Variants in SPMIP2 observed in about 807,000 individuals in gnomAD.
SPMIP2 encodes the protein sperm microtubule inner protein 2.
At chr4:158,999,523 C>T in the SPMIP2 span, among the ~76,000 whole-genome samples, 1 of 152,118 alleles carries the variant, frequency 6.6e-6, no homozygotes, top group Non-Finnish European at 1.5e-5. Context: ...AACATGTAAA[C>T]CTGCTATCTG....
the SPMIP2 span, among the ~76,000 whole-genome samples, chr4:158,947,511 G>A: frequency 6.6e-5 from 10 of 152,152 alleles, no homozygotes; most frequent in Non-Finnish European, 7.3e-5. Flanking sequence ...GCTTTATATT[G>A]CAATTTGTTT....
chr4:159,007,907 A>G, the SPMIP2 span: 1 of 447,352 alleles, frequency 2.2e-6, no homozygotes. Flanking sequence ...GTAATTACAT[A>G]ATAACAATGT....
the SPMIP2 span, among the ~76,000 whole-genome samples, chr4:158,986,384 ATAC>A: frequency 6.6e-6 from 1 of 152,206 alleles, no homozygotes; most frequent in Non-Finnish European, 1.5e-5. Flanking sequence ...ACTTCAAACT[ATAC>A]TACAAGGCTA....
the SPMIP2 span, among the ~76,000 whole-genome samples, chr4:158,950,559 T>TG: frequency 6.6e-6 from 1 of 152,124 alleles, no homozygotes; most frequent in African/African-American, 2.4e-5. Flanking sequence ...TGCACAATTT[T>TG]GGGGGGAAGA....
chr4:158,962,268 C>G, the SPMIP2 span, among the ~76,000 whole-genome samples: 2 of 152,170 alleles, frequency 1.3e-5, no homozygotes, highest in Non-Finnish European at 2.9e-5. Context: ...CTAGTCCTGA[C>G]ACATTTAGGA....
the SPMIP2 span, among the ~76,000 whole-genome samples, chr4:159,080,586 G>A: frequency 2.6e-5 from 4 of 152,114 alleles, no homozygotes; most frequent in South Asian, 2.1e-4. Flanking sequence ...TTAAAGCAGC[G>A]ATTCCCCATT....
chr4:158,996,753 T>A, the SPMIP2 span, among the ~76,000 whole-genome samples: 2 of 152,198 alleles, frequency 1.3e-5, no homozygotes, highest in Non-Finnish European at 2.9e-5. Flanking sequence ...CATAGGCAGA[T>A]ACAATGATGT....
At chr4:159,065,778 G>C in the SPMIP2 span, among the ~76,000 whole-genome samples, 1 of 152,162 alleles carries the variant, frequency 6.6e-6, no homozygotes, top group Non-Finnish European at 1.5e-5. Flanking sequence ...TCTGGAGAGT[G>C]GGTAACAATC....
the SPMIP2 span, among the ~76,000 whole-genome samples, chr4:158,965,193 C>A: frequency 3.9e-5 from 6 of 152,020 alleles, no homozygotes; most frequent in South Asian, 1.2e-3. Context: ...CTCCCAGTAT[C>A]CTTCCAAGGA....
the SPMIP2 span, among the ~76,000 whole-genome samples, chr4:158,993,669 G>A: frequency 2.0e-5 from 3 of 151,688 alleles, no homozygotes; most frequent in East Asian, 5.8e-4. Context: ...AAAGGCCGCT[G>A]CCTTTATGAA....
At chr4:158,973,527 AACCAAATGAG>A in the SPMIP2 span, among the ~76,000 whole-genome samples, 6 of 152,194 alleles carry the variant, frequency 3.9e-5, no homozygotes, top group Admixed American at 1.3e-4. Context: ...GTTTATTAAT[AACCAAATGAG>A]ACGGGTAGAA....
At chr4:159,078,724 C>G in the SPMIP2 span, among the ~76,000 whole-genome samples, 1 of 152,312 alleles carries the variant, frequency 6.6e-6, no homozygotes, top group South Asian at 2.1e-4. Context: ...AGACAAATTT[C>G]TCACTTGACA....
the SPMIP2 span, among the ~76,000 whole-genome samples, chr4:159,061,653 CA>C: frequency 6.6e-6 from 1 of 151,488 alleles, no homozygotes; most frequent in East Asian, 1.9e-4. Context: ...ACTAAAAATA[CA>C]AAAAAAATTA....
the SPMIP2 span, among the ~76,000 whole-genome samples, chr4:158,993,340 C>T: frequency 6.6e-6 from 1 of 151,622 alleles, no homozygotes; most frequent in African/African-American, 2.4e-5. Flanking sequence ...GCACTCCAGC[C>T]TGGGCAACAG....
the SPMIP2 span, among the ~76,000 whole-genome samples, chr4:158,928,384 A>G: frequency 6.6e-6 from 1 of 152,004 alleles, no homozygotes; most frequent in Non-Finnish European, 1.5e-5. Context: ...TAAATACACC[A>G]ATCAGCACCC....
the SPMIP2 span, among the ~76,000 whole-genome samples, chr4:159,063,321 G>C: frequency 6.6e-6 from 1 of 152,184 alleles, no homozygotes; most frequent in African/African-American, 2.4e-5. Flanking sequence ...CACTTTGGGA[G>C]ACCGAGACAG....
the SPMIP2 span, among the ~76,000 whole-genome samples, chr4:158,969,303 G>A: frequency 1.3e-5 from 2 of 152,222 alleles, no homozygotes; most frequent in South Asian, 2.1e-4. Flanking sequence ...CCTTAGTTTA[G>A]CACGGGATTG....
At chr4:158,975,089 G>A in the SPMIP2 span, among the ~76,000 whole-genome samples, 7 of 152,126 alleles carry the variant, frequency 4.6e-5, no homozygotes, top group Non-Finnish European at 8.8e-5. Flanking sequence ...ATGTTTGTTG[G>A]TCACATATAT....
chr4:158,982,007 G>T, the SPMIP2 span, among the ~76,000 whole-genome samples: 1 of 151,960 alleles, frequency 6.6e-6, no homozygotes, highest in African/African-American at 2.4e-5. Context: ...ACACAAATAG[G>T]CTCAAAATAA....
Sources: allele counts gnomAD v4.1 joint callset (sites outside exome capture counted in the v4.1 genomes callset), GRCh38; gene constraint gnomAD v4.1.1; transcripts MANE v1.5; gene names NCBI Gene and HGNC (gene_info 2026-07-23, HGNC 2026-07-21).